RIN2: variants seen among roughly 807,000 people sequenced by gnomAD.
The protein encoded by RIN2 is RAB5 interacting protein 2.
A neutral mutation model predicts 78.0 loss-of-function variants in RIN2; 36 were observed. The ratio of observed to expected loss-of-function variants is 0.46; its 90% CI spans 0.35 to 0.61. The LOEUF (loss-of-function observed/expected upper bound fraction) is 0.61. Ranked by LOEUF, RIN2 falls within the 20% of genes least tolerant of loss-of-function variation. The pLI is 0.00. For missense variants in RIN2, 1,087 were observed against 1,159.7 expected, an observed-to-expected ratio of 0.94 and a Z score of 0.91; for synonymous variants, 466 against 466.8, an observed-to-expected ratio of 1.00 and a Z score of 0.02.
intron 2 of RIN2, among the ~76,000 whole-genome samples, chr20:19,846,159 T>A (rs952280395): frequency 2.6e-5 from 4 of 152,284 alleles, no homozygotes; most frequent in Admixed American, 6.5e-5. Flanking sequence ...AGTCAGGTAG[T>A]GTGATGCCTC....
chr20:19,820,716 C>A (rs1379162160), intron 2 of RIN2, among the ~76,000 whole-genome samples: 2 of 152,176 alleles, frequency 1.3e-5, no homozygotes, highest in African/African-American at 4.8e-5. Flanking sequence ...CTCTAACTTT[C>A]CCATCTGAGT....
chr20:19,775,361 G>A (rs566061761), intron 1 of RIN2, among the ~76,000 whole-genome samples: 29 of 152,274 alleles, frequency 1.9e-4, no homozygotes, highest in South Asian at 8.3e-4. Flanking sequence ...ACTAAATTGC[G>A]TATCTTCCCT....
chr20:19,987,280 G>A (rs777144029), intron 9 of RIN2, among the ~76,000 whole-genome samples: 5 of 152,100 alleles, frequency 3.3e-5, no homozygotes, highest in African/African-American at 7.2e-5. Context: ...ATTCATTTAC[G>A]TTTCTAATTA....
chr20:19,853,867 G>A (rs1358160301), intron 2 of RIN2, among the ~76,000 whole-genome samples: 3 of 152,156 alleles, frequency 2.0e-5, no homozygotes, highest in East Asian at 3.8e-4. Flanking sequence ...TTGCTGTGCA[G>A]AAGCTCTTTA....
intron 11 of RIN2, among the ~76,000 whole-genome samples, chr20:19,993,566 C>G (rs891521236): frequency 6.6e-6 from 1 of 152,092 alleles, no homozygotes; most frequent in African/African-American, 2.4e-5. Flanking sequence ...CTCCCGTACC[C>G]GATCCCAGGC....
chr20:19,890,614 C>T (rs1254014793), intron 3 of RIN2, among the ~76,000 whole-genome samples: 1 of 122,710 alleles, frequency 8.1e-6, no homozygotes, highest in African/African-American at 3.1e-5. Context: ...TCTATTAACA[C>T]TTATTTACAT....
At chr20:19,876,011 G>C (rs2037844948) in intron 2 of RIN2, among the ~76,000 whole-genome samples, 1 of 152,192 alleles carries the variant, frequency 6.6e-6, no homozygotes, top group Non-Finnish European at 1.5e-5. Context: ...TTGAGCCTGG[G>C]GTTGTCATTA....
intron 1 of RIN2, among the ~76,000 whole-genome samples, chr20:19,772,686 C>A (rs941074734): frequency 6.6e-6 from 1 of 152,210 alleles, no homozygotes; most frequent in Admixed American, 6.5e-5. Flanking sequence ...CACATGGCTG[C>A]CTCATCTCAG....
chr20:19,823,496 C>T, intron 2 of RIN2: 2 of 895,756 alleles, frequency 2.2e-6, no homozygotes, highest in Middle Eastern at 3.3e-4. Flanking sequence ...TCTATGATGT[C>T]ATGAGGGTGG....
At chr20:19,785,814 A>G (rs952677660) in intron 1 of RIN2, among the ~76,000 whole-genome samples, 5 of 152,174 alleles carry the variant, frequency 3.3e-5, no homozygotes, top group African/African-American at 1.2e-4. Context: ...CTTTTCAGAG[A>G]TGTTTTCAAA....
chr20:19,855,092 G>A (rs965216088), intron 2 of RIN2, among the ~76,000 whole-genome samples: 1 of 152,142 alleles, frequency 6.6e-6, no homozygotes, highest in African/African-American at 2.4e-5. Flanking sequence ...TGGCATGAAG[G>A]GCTGTTGAAT....
intron 3 of RIN2, among the ~76,000 whole-genome samples, chr20:19,924,761 C>A (rs1175230260): frequency 3.4e-5 from 1 of 29,238 alleles, no homozygotes; most frequent in Non-Finnish European, 5.8e-5. Context: ...TTTTTTGAGA[C>A]GGAGTTTTGC....
At position 19,934,967 on chromosome 20, in the gene RIN2, TAAAAAAAAAA is replaced by T. The variant is rs370429459; in HGVS notation, c.58-126_58-117del. On this transcript the variant is annotated intron_variant, in intron 3 of 12. Coordinates refer to ENST00000255006, the MANE Select transcript of RIN2 (RefSeq NM_018993.4). ...TAGAGGAAATTCACAGAGCCAAGAT[TAAAAAAAAAA>T]AAAAAGAAATAGAAAAAGATGGTCA... 1.4e-3 allele frequency: 699 copies of T among 508,534 alleles called. 6 individuals carry two copies. The highest frequency in any genetic ancestry group is 0.013 in the African/African-American group (618 of 46,016). 31.5% of individuals were successfully genotyped at this position (508,534 alleles called of 1,614,324 possible). A position where few individuals can be genotyped will look rare whatever the true frequency, so the allele number is the denominator to read the frequency against.
chr20:19,805,599 G>A (rs1349541697), intron 2 of RIN2, among the ~76,000 whole-genome samples: 12 of 152,036 alleles, frequency 7.9e-5, no homozygotes, highest in East Asian at 5.8e-4. Context: ...ACAGGGTTTC[G>A]CCACGTTGGC....
intron 1 of RIN2, among the ~76,000 whole-genome samples, chr20:19,791,523 G>A (rs1012481031): frequency 6.6e-6 from 1 of 152,182 alleles, no homozygotes; most frequent in African/African-American, 2.4e-5. Context: ...AGTGAGGAAA[G>A]CTTCATAAAA....
chr20:19,882,501 T>C (rs1175916186), intron 2 of RIN2, among the ~76,000 whole-genome samples: 1 of 152,186 alleles, frequency 6.6e-6, no homozygotes, highest in Non-Finnish European at 1.5e-5. Flanking sequence ...TCTTTTACCA[T>C]CATGGACAGA....
At chr20:19,777,943 T>G (rs2034369045) in intron 1 of RIN2, among the ~76,000 whole-genome samples, 1 of 152,250 alleles carries the variant, frequency 6.6e-6, no homozygotes, top group Non-Finnish European at 1.5e-5. Context: ...ATCCACAGTC[T>G]TACTGGTGTG....
intron 3 of RIN2, among the ~76,000 whole-genome samples, chr20:19,899,848 A>G (rs1244272709): frequency 6.6e-6 from 1 of 152,218 alleles, no homozygotes; most frequent in Non-Finnish European, 1.5e-5. Context: ...AAGCCAGTCA[A>G]TAAGTCTAGC....
At chr20:19,980,044 CAAAAAA>C (rs56268489) in intron 9 of RIN2, among the ~76,000 whole-genome samples, 10 of 72,702 alleles carry the variant, frequency 1.4e-4, no homozygotes, top group Non-Finnish European at 2.3e-4. Flanking sequence ...AACTCCATCT[CAAAAAA>C]AAAAAAAAAA....
Sources: gnomAD v4.1 joint callset for allele counts (sites outside exome capture counted in the v4.1 genomes callset) on GRCh38, gnomAD v4.1.1 for gene constraint, MANE v1.5 for transcripts, NCBI Gene and HGNC (gene_info 2026-07-23, HGNC 2026-07-21) for gene names.